Variants in GRM8 observed in about 807,000 individuals in gnomAD.
GRM8 encodes metabotropic glutamate receptor 8.
Under a neutral mutation model 87.2 loss-of-function variants are expected in GRM8, and 47 were observed. That is an observed-to-expected ratio of 0.54 (90% CI 0.43 to 0.69). The LOEUF is 0.69. Among genes scored for constraint, GRM8 ranks in the 30% least tolerant of loss-of-function variants. The pLI, the probability that GRM8 is intolerant of heterozygous loss-of-function variation, is 0.00. For synonymous variants in GRM8, 396 were observed against 404.5 expected, an observed-to-expected ratio of 0.98 and a Z score of 0.25; for missense variants, 1,019 against 1,139.2, an observed-to-expected ratio of 0.89 and a Z score of 1.52.
At chr7:127,174,653 G>C (rs1008240772) in intron 2 of GRM8, among the ~76,000 whole-genome samples, 1 of 152,136 alleles carries the variant, frequency 6.6e-6, no homozygotes, top group African/African-American at 2.4e-5. Flanking sequence ...AAGATGAAAA[G>C]CATCAAGGTG....
At chr7:126,627,357 G>C (rs567997633) in intron 7 of GRM8, among the ~76,000 whole-genome samples, 1 of 152,304 alleles carries the variant, frequency 6.6e-6, no homozygotes, top group South Asian at 2.1e-4. Context: ...ACAGGACAGT[G>C]TCCTACAGCA....
chr7:126,710,306 A>G (rs1337428130), intron 7 of GRM8, among the ~76,000 whole-genome samples: 1 of 152,148 alleles, frequency 6.6e-6, no homozygotes, highest in Non-Finnish European at 1.5e-5. Flanking sequence ...AAAGTACGGC[A>G]TTGATTGACA....
intron 3 of GRM8, among the ~76,000 whole-genome samples, chr7:127,018,395 C>T (rs997792442): frequency 4.0e-5 from 6 of 149,112 alleles, no homozygotes; most frequent in Non-Finnish European, 7.4e-5. Flanking sequence ...TAAAGAGCCC[C>T]CTGAAAATCT....
At chr7:126,498,728 A>G (rs1809165901) in intron 9 of GRM8, among the ~76,000 whole-genome samples, 1 of 152,000 alleles carries the variant, frequency 6.6e-6, no homozygotes, top group African/African-American at 2.4e-5. Flanking sequence ...CTTTACCAAT[A>G]TATTCAAGCT....
chr7:126,853,383 C>T lies in GRM8; in HGVS notation c.1156+49159G>A, dbSNP rs138117301. Among the ~76,000 whole-genome samples, 886 of 151,998 alleles carry T rather than the reference C, an allele frequency of 5.8e-3. 21 individuals are homozygous for T. Among genetic ancestry groups the T allele is most frequent in the Admixed American group, 0.039 (594 of 15,268 alleles). On this transcript the variant is annotated intron_variant, in intron 6 of 10. Coordinates refer to ENST00000339582, the MANE Select transcript of GRM8 (RefSeq NM_000845.3). ...TTTGCTGTGTTAAATTTTGCACTTACTTTAAGAGGCTCCAGGTCATAGAAA... is the reference window on the plus strand; with the variant it reads ...TTTGCTGTGTTAAATTTTGCACTTATTTTAAGAGGCTCCAGGTCATAGAAA...
At chr7:126,653,647 G>A (rs1451036945) in intron 7 of GRM8, among the ~76,000 whole-genome samples, 2 of 152,170 alleles carry the variant, frequency 1.3e-5, no homozygotes, top group Non-Finnish European at 2.9e-5. Context: ...AAGGGATTCT[G>A]TTACATATGG....
rs553884163 is a variant in GRM8 at position 126,727,541 on chromosome 7, T to C, written c.1357+42324A>G. On this transcript the variant is annotated intron_variant, in intron 7 of 10. Transcript: ENST00000339582. ...TTCTAACTTCCCCCTAAAATAACTA[T>C]AAACACTAAGGAAAACATAAAAGGA... 1.1e-4 allele frequency among the ~76,000 whole-genome samples: 17 copies of C among 152,064 alleles called. No individual in the cohort carries two copies. The South Asian group carries it at 3.5e-3, about 32-fold the overall frequency.
chr7:126,736,782 G>A (rs185807960), intron 7 of GRM8, among the ~76,000 whole-genome samples: 3 of 152,050 alleles, frequency 2.0e-5, no homozygotes, highest in East Asian at 1.9e-4. Context: ...AATGTTGTTG[G>A]CATCACAGTA....
intron 3 of GRM8, among the ~76,000 whole-genome samples, chr7:127,102,738 G>A (rs1825418432): frequency 6.6e-6 from 1 of 152,214 alleles, no homozygotes; most frequent in African/African-American, 2.4e-5. Context: ...GCCTGCTGAT[G>A]GGGCAGAGCC....
At chr7:126,797,241 GA>G (rs906524633) in intron 6 of GRM8, among the ~76,000 whole-genome samples, 40 of 152,132 alleles carry the variant, frequency 2.6e-4, no homozygotes, top group African/African-American at 8.2e-4. Context: ...AACTTAATAA[GA>G]GTTACCACGC....
At chr7:126,684,853 T>C (rs2151345089) in intron 7 of GRM8, among the ~76,000 whole-genome samples, 1 of 152,342 alleles carries the variant, frequency 6.6e-6, no homozygotes, top group Admixed American at 6.5e-5. Flanking sequence ...TGGACTTTCA[T>C]GTCATCCTTC....
intron 6 of GRM8, among the ~76,000 whole-genome samples, chr7:126,804,016 AG>A (rs112223873): frequency 0.077 from 11,763 of 152,250 alleles, 1,452 homozygotes; most frequent in African/African-American, 0.26. Context: ...AAAATGGAAT[AG>A]TTAACTTACC....
At chr7:126,636,438 C>A (rs1197154049) in intron 7 of GRM8, among the ~76,000 whole-genome samples, 3 of 151,944 alleles carry the variant, frequency 2.0e-5, no homozygotes, top group African/African-American at 7.2e-5. Flanking sequence ...ATACCTAATA[C>A]AAGGTAAATA....
chr7:127,034,476 C>A (rs142641961), intron 3 of GRM8, among the ~76,000 whole-genome samples: 2 of 152,304 alleles, frequency 1.3e-5, no homozygotes, highest in Non-Finnish European at 2.9e-5. Flanking sequence ...AGCAGCTAAT[C>A]CACTGCACAA....
intron 7 of GRM8, among the ~76,000 whole-genome samples, chr7:126,749,523 G>T (rs1816145428): frequency 1.3e-5 from 2 of 150,492 alleles, no homozygotes; most frequent in African/African-American, 4.9e-5. Context: ...AAAAATATTT[G>T]TTAAATATAT....
At chr7:127,107,735 C>T (rs974326898) in intron 2 of GRM8, among the ~76,000 whole-genome samples, 5 of 152,174 alleles carry the variant, frequency 3.3e-5, no homozygotes, top group Middle Eastern at 3.2e-3. Context: ...ACAGTGTAGA[C>T]AGATGATTCC....
chr7:126,982,920 C>T (rs1488328244), intron 3 of GRM8, among the ~76,000 whole-genome samples: 3 of 152,180 alleles, frequency 2.0e-5, no homozygotes, highest in Non-Finnish European at 4.4e-5. Flanking sequence ...TCCCATTGAC[C>T]TTAATCACAG....
At chr7:126,675,795 G>A (rs1030511507) in intron 7 of GRM8, among the ~76,000 whole-genome samples, 4 of 152,142 alleles carry the variant, frequency 2.6e-5, no homozygotes, top group Non-Finnish European at 4.4e-5. Flanking sequence ...TACTGAATGG[G>A]CAGAAGTTGA....
intron 7 of GRM8, among the ~76,000 whole-genome samples, chr7:126,698,351 T>C (rs1809597466): frequency 6.6e-6 from 1 of 152,142 alleles, no homozygotes; most frequent in South Asian, 2.1e-4. Context: ...TTTTCTACCA[T>C]TTACAGAAAA....
Sources: allele counts gnomAD v4.1 joint callset (sites outside exome capture counted in the v4.1 genomes callset), GRCh38; gene constraint gnomAD v4.1.1; transcripts MANE v1.5; gene names NCBI Gene and HGNC (gene_info 2026-07-23, HGNC 2026-07-21).